The following TTC6 variants were observed in gnomAD, a reference collection of about 807,000 sequenced individuals.
The protein encoded by TTC6 is tetratricopeptide repeat protein 6.
TTC6 carries 172 observed loss-of-function variants against 210.4 expected under a neutral mutation model. The observed-to-expected ratio is 0.82, with a 90% CI of 0.72 to 0.93. TTC6 has a LOEUF of 0.93. Ranked by LOEUF, TTC6 falls within the 40% of genes least tolerant of loss-of-function variation. The pLI is 0.00. For synonymous variants in TTC6, 804 were observed against 819.6 expected (o/e 0.98, Z 0.32); for missense variants, 2,414 against 2,318.1 (o/e 1.04, Z -0.85).
chr14:37,736,539 T>C (rs973187178), intron 8 of TTC6, among the ~76,000 whole-genome samples: 15 of 152,144 alleles, frequency 9.9e-5, no homozygotes, highest in Non-Finnish European at 1.9e-4. Context: ...TTTTCACTCA[T>C]TCTTGTGTAG....
chr14:37,670,474 CTT>C (rs66725764), intron 1 of TTC6, among the ~76,000 whole-genome samples: 8 of 121,316 alleles, frequency 6.6e-5, no homozygotes, highest in African/African-American at 3.1e-5. Flanking sequence ...AACTACCTCA[CTT>C]TTTTTTTTTT....
intron 1 of TTC6, among the ~76,000 whole-genome samples, chr14:37,628,774 A>G (rs552822341): frequency 6.6e-6 from 1 of 152,278 alleles, no homozygotes; most frequent in South Asian, 2.1e-4. Context: ...ATCTTGAGTT[A>G]ATTTTTGTAT....
intron 3 of TTC6, among the ~76,000 whole-genome samples, chr14:37,688,677 A>G (rs1010326484): frequency 2.0e-5 from 3 of 152,226 alleles, no homozygotes; most frequent in East Asian, 1.9e-4. Flanking sequence ...AGTAATTCAG[A>G]TAATTCTTCC....
At chr14:37,662,788 C>G (rs2095739989) in intron 1 of TTC6, among the ~76,000 whole-genome samples, 1 of 152,166 alleles carries the variant, frequency 6.6e-6, no homozygotes, top group Non-Finnish European at 1.5e-5. Flanking sequence ...TGTATCAGTA[C>G]TATGCAGTTT....
chr14:37,729,812 T>C (rs2095881339), intron 7 of TTC6, among the ~76,000 whole-genome samples: 1 of 152,162 alleles, frequency 6.6e-6, no homozygotes, highest in South Asian at 2.1e-4. Flanking sequence ...TTTTAAACTA[T>C]ATGTTTGTTT....
chr14:37,829,446 CATTAAT>C (rs1229981665), intron 29 of TTC6, among the ~76,000 whole-genome samples: 1 of 151,696 alleles, frequency 6.6e-6, no homozygotes, highest in African/African-American at 2.4e-5. Flanking sequence ...ATAAAAATAA[CATTAAT>C]ACTCTTAGTT....
rs940631079 is a variant in TTC6, at chr14:37,643,243, G to A, written c.939+20240G>A. Among the ~76,000 whole-genome samples, 5 of 152,200 alleles carry A rather than the reference G, an allele frequency of 3.3e-5. No homozygotes were observed. In the East Asian group the frequency reaches 5.8e-4, roughly 18 times the overall value. ...GAATCACTTGAACTGGGAAGGTGGA[G>A]GTTGCAGTGAGCCGAGATTGCACCA... On this transcript the variant is annotated intron_variant, in intron 1 of 30. Transcript: ENST00000553443.
At chr14:37,714,990 C>T (rs1318298488) in intron 6 of TTC6, among the ~76,000 whole-genome samples, 194 bp downstream of exon 8, 3 of 151,970 alleles carry the variant, frequency 2.0e-5, no homozygotes, top group African/African-American at 7.3e-5. Context: ...CCAGTCTGGC[C>T]AACATAACGA....
chr14:37,672,003 A>C (rs2095759230), intron 1 of TTC6, among the ~76,000 whole-genome samples: 1 of 152,098 alleles, frequency 6.6e-6, no homozygotes, highest in African/African-American at 2.4e-5. Context: ...AAATCTCTTT[A>C]CTTTACAAAT....
chr14:37,804,722 C>G, exon 21 of TTC6: 2 of 1,614,148 alleles, frequency 1.2e-6, no homozygotes, highest in South Asian at 2.2e-5. Context: ...TGCCATTTCT[C>G]ATTCTGATAA....
rs150621829 is a variant in TTC6, at chr14:37,762,130, A to C, written c.3266+8895A>C. Among the ~76,000 whole-genome samples, 906 of 152,142 alleles carry C rather than the reference A, an allele frequency of 6.0e-3. 10 individuals carry two copies. Among genetic ancestry groups the C allele is most frequent in the African/African-American group, 0.021 (881 of 41,514 alleles). Reference sequence around the variant, plus strand: ...CATAATGTCTTCCAAGTTAATTCGTATTGTTGTAAGTGGTGGGATTTCCCT... The same window carrying C: ...CATAATGTCTTCCAAGTTAATTCGTCTTGTTGTAAGTGGTGGGATTTCCCT... On this transcript the variant is annotated intron_variant, in intron 14 of 30. Coordinates refer to ENST00000553443, the Ensembl canonical transcript of TTC6.
chr14:37,622,109 A>G, exon 1 of TTC6: 2 of 1,534,982 alleles, frequency 1.3e-6, no homozygotes, highest in East Asian at 2.5e-5. Flanking sequence ...ACAAAGAGGA[A>G]TCGTATATGT....
At chr14:37,692,205 C>A (rs1438064162) in intron 3 of TTC6, among the ~76,000 whole-genome samples, 5 of 39,782 alleles carry the variant, frequency 1.3e-4, no homozygotes, top group South Asian at 7.6e-4. Context: ...GACAAAGACA[C>A]ACCAAAAAAA....
chr14:37,806,265 C>A, intron 21 of TTC6, 96 bp from the exon 24 acceptor site: 4 of 1,266,712 alleles, frequency 3.2e-6, no homozygotes, highest in East Asian at 2.6e-5. Context: ...TAGAGTGAAA[C>A]TTTTCAACAA....
intron 6 of TTC6, among the ~76,000 whole-genome samples, chr14:37,717,864 C>T (rs949575341): frequency 2.0e-5 from 3 of 152,156 alleles, no homozygotes; most frequent in African/African-American, 7.2e-5. Flanking sequence ...GTCGTTGTAA[C>T]AGTATTGAGA....
chr14:37,738,987 A>G, exon 10 of TTC6: 3 of 1,535,636 alleles, frequency 2.0e-6, no homozygotes, highest in South Asian at 1.2e-5. Flanking sequence ...TGCGAAAAAC[A>G]CAGTTTGAGA....
Position 37,668,512 on chromosome 14 carries a change from A to G in TTC6, c.940-11639A>G, listed in dbSNP as rs549687807. 6.9e-4 allele frequency among the ~76,000 whole-genome samples: 96 copies of G among 139,150 alleles called. 6 individuals carry two copies. The highest frequency in any genetic ancestry group is 2.2e-3 in the Admixed American group (31 of 14,396). 91.3% of individuals were successfully genotyped at this position (139,150 alleles called of 152,430 possible). A position where few individuals can be genotyped will look rare whatever the true frequency, so the allele number is the denominator to read the frequency against. On this transcript the variant is annotated intron_variant, in intron 1 of 30. Coordinates refer to ENST00000553443, the Ensembl canonical transcript of TTC6. ...TGGATTGACTAGGCATGCACTTCTC[A>G]TAGTAACAGAAGAAGTTCAAAAGAG...
At chr14:37,659,437 C>G (rs1297250177) in intron 1 of TTC6, among the ~76,000 whole-genome samples, 1 of 152,012 alleles carries the variant, frequency 6.6e-6, no homozygotes, top group Non-Finnish European at 1.5e-5. Flanking sequence ...CACAACCTCT[C>G]CAGCATCTGT....
intron 6 of TTC6, among the ~76,000 whole-genome samples, chr14:37,715,865 GA>G (rs1258497756): frequency 6.6e-6 from 1 of 152,122 alleles, no homozygotes; most frequent in Non-Finnish European, 1.5e-5. Context: ...TAAATAGAGA[GA>G]AATGATAAGA....
Sources: gnomAD v4.1 joint callset for allele counts (sites outside exome capture counted in the v4.1 genomes callset) on GRCh38, gnomAD v4.1.1 for gene constraint, MANE v1.5 for transcripts, NCBI Gene and HGNC (gene_info 2026-07-23, HGNC 2026-07-21) for gene names.